The following DCLK1 variants were observed in gnomAD, a reference collection of about 807,000 sequenced individuals.
The protein encoded by DCLK1 is doublecortin like kinase 1, also known as serine/threonine-protein kinase DCLK1.
A neutral mutation model predicts 86.2 loss-of-function variants in DCLK1; 16 were observed. The ratio of observed to expected loss-of-function variants is 0.19; its 90% confidence interval spans 0.13 to 0.28. The LOEUF (loss-of-function observed/expected upper bound fraction) is 0.28. Ranked by LOEUF, DCLK1 falls within the 10% of genes least tolerant of loss-of-function variation. The pLI is 1.00. For missense variants in DCLK1, 590 were observed against 940.2 expected (o/e 0.63, Z 4.87); for synonymous variants, 369 against 370.5 (o/e 1.00, Z 0.05).
intron 10 of DCLK1, among the ~76,000 whole-genome samples, chr13:35,826,528 A>AGC (rs1240409417): frequency 1.5e-5 from 1 of 67,824 alleles, no homozygotes; most frequent in Non-Finnish European, 3.9e-5. Flanking sequence ...CATCTCAAAA[A>AGC]AAAAAAAAAA....
intron 15 of DCLK1, among the ~76,000 whole-genome samples, chr13:35,804,090 CTA>C (rs1279777750): frequency 6.6e-6 from 1 of 152,152 alleles, no homozygotes; most frequent in Non-Finnish European, 1.5e-5. Context: ...CTGGCAGACT[CTA>C]GAAGTTAAGC....
chr13:35,930,317 A>G (rs994316667), intron 4 of DCLK1, among the ~76,000 whole-genome samples: 2 of 152,242 alleles, frequency 1.3e-5, no homozygotes, highest in African/African-American at 2.4e-5. Flanking sequence ...ATAAGTTCCT[A>G]TGCCCTGTGG....
At chr13:35,986,960 T>C (rs1879947762) in intron 3 of DCLK1, among the ~76,000 whole-genome samples, 1 of 152,226 alleles carries the variant, frequency 6.6e-6, no homozygotes, top group Admixed American at 6.5e-5. Flanking sequence ...GACGATCATG[T>C]AAAGGCATTT....
chr13:36,006,108 AC>A (rs1880942647), intron 3 of DCLK1, among the ~76,000 whole-genome samples: 2 of 152,154 alleles, frequency 1.3e-5, no homozygotes, highest in South Asian at 4.1e-4. Flanking sequence ...GGTGCAGCAA[AC>A]CACCATAGTA....
At chr13:35,785,948 T>C (rs2086613891) in intron 16 of DCLK1, among the ~76,000 whole-genome samples, 1 of 152,226 alleles carries the variant, frequency 6.6e-6, no homozygotes. Flanking sequence ...GTTTTTAGCA[T>C]CATTTCTCCA....
At chr13:36,102,255 T>A (rs1054756372) in intron 3 of DCLK1, among the ~76,000 whole-genome samples, 1 of 145,164 alleles carries the variant, frequency 6.9e-6, no homozygotes, top group African/African-American at 2.5e-5. Flanking sequence ...ATTTTTTTTT[T>A]AATAAAAAAA....
At chr13:35,839,221 G>T in intron 6 of DCLK1, 45 bp from the exon 7 acceptor site, 1 of 1,519,748 alleles carries the variant, frequency 6.6e-7, no homozygotes, top group Non-Finnish European at 8.9e-7. Flanking sequence ...GGGTCAGAAT[G>T]CCTGAGTTTC....
At chr13:35,937,970 T>C (rs747836301) in intron 4 of DCLK1, among the ~76,000 whole-genome samples, 36 of 151,832 alleles carry the variant, frequency 2.4e-4, no homozygotes, top group South Asian at 8.4e-4. Flanking sequence ...AGAGAGACTA[T>C]AGATAGGGTA....
intron 3 of DCLK1, among the ~76,000 whole-genome samples, chr13:36,017,042 CA>C (rs1593821012): frequency 6.6e-6 from 1 of 152,072 alleles, no homozygotes; most frequent in African/African-American, 2.4e-5. Flanking sequence ...TCAGCAACTG[CA>C]TAATACCTTA....
intron 5 of DCLK1, among the ~76,000 whole-genome samples, chr13:35,858,071 G>A (rs1213168644): frequency 6.6e-6 from 1 of 152,140 alleles, no homozygotes; most frequent in Non-Finnish European, 1.5e-5. Context: ...GCTTGCATTT[G>A]AAAATGCTCT....
In DCLK1 at chr13:35,967,411, A is replaced by C. The variant is rs1279087214; in HGVS notation, c.724-19954T>G. Reference sequence around the variant, plus strand: ...AGGGGGAAATGTGGGGAAAAGAAAGAGAGATCAGATTGTTACTGTGTCTGT... The same window carrying C: ...AGGGGGAAATGTGGGGAAAAGAAAGCGAGATCAGATTGTTACTGTGTCTGT... On this transcript the variant is annotated intron_variant, in intron 3 of 16. Transcript: ENST00000360631. Among the ~76,000 whole-genome samples the C allele has an allele frequency of 2.0e-5, 3 of 152,246 alleles. No individual in the cohort carries two copies. The East Asian group carries it at 5.8e-4, about 29-fold the overall frequency.
intron 4 of DCLK1, among the ~76,000 whole-genome samples, chr13:35,931,104 G>C (rs1876407396): frequency 1.3e-5 from 2 of 152,212 alleles, no homozygotes; most frequent in South Asian, 2.1e-4. Flanking sequence ...ACAAGGAAAT[G>C]TGAGTGTTAG....
chr13:36,075,359 G>C (rs757689708), intron 3 of DCLK1, among the ~76,000 whole-genome samples: 2 of 152,126 alleles, frequency 1.3e-5, no homozygotes, highest in Non-Finnish European at 2.9e-5. Flanking sequence ...TTATCACGCA[G>C]GGGGTAATAG....
intron 15 of DCLK1, among the ~76,000 whole-genome samples, chr13:35,801,430 G>A (rs957516060): frequency 8.0e-5 from 12 of 150,312 alleles, no homozygotes; most frequent in South Asian, 2.1e-4. Flanking sequence ...TCACTTAATC[G>A]AGTCTTTAAA....
At chr13:36,041,489 G>A (rs1476351925) in intron 3 of DCLK1, among the ~76,000 whole-genome samples, 1 of 152,044 alleles carries the variant, frequency 6.6e-6, no homozygotes, top group Non-Finnish European at 1.5e-5. Flanking sequence ...ACTCACTTCC[G>A]ATGTTACTTT....
At chr13:35,877,543 T>G (rs1375010791) in intron 4 of DCLK1, among the ~76,000 whole-genome samples, 1 of 152,230 alleles carries the variant, frequency 6.6e-6, no homozygotes, top group Non-Finnish European at 1.5e-5. Flanking sequence ...GCATGTTGGC[T>G]AGGGAATACT....
intron 3 of DCLK1, among the ~76,000 whole-genome samples, chr13:35,969,811 G>A (rs1404085765): frequency 6.6e-6 from 1 of 152,154 alleles, no homozygotes; most frequent in Non-Finnish European, 1.5e-5. Flanking sequence ...CGATGTAATA[G>A]TATTGAGAAG....
chr13:35,862,032 CAAAAAAAAAA>C (rs36091477), intron 5 of DCLK1, among the ~76,000 whole-genome samples: 3 of 71,138 alleles, frequency 4.2e-5, no homozygotes, highest in African/African-American at 1.5e-4. Context: ...GACTCCGTCT[CAAAAAAAAAA>C]AAAAAAAAAA....
At chr13:35,811,085 G>A (rs1224442139) in intron 11 of DCLK1, 117 bp from the exon 12 acceptor site, 6 of 1,301,064 alleles carry the variant, frequency 4.6e-6, no homozygotes, top group Non-Finnish European at 2.1e-6. Context: ...AAATAAATTA[G>A]GCAATTATGC....
Sources: allele counts gnomAD v4.1 joint callset (sites outside exome capture counted in the v4.1 genomes callset), GRCh38; gene constraint gnomAD v4.1.1; transcripts MANE v1.5; gene names NCBI Gene and HGNC (gene_info 2026-07-23, HGNC 2026-07-21).